The following RABGAP1L variants were observed in gnomAD, a reference collection of about 807,000 sequenced individuals.
RABGAP1L encodes the protein RAB GTPase activating protein 1 like, also known as rab GTPase-activating protein 1-like.
Under a neutral mutation model 137.7 loss-of-function variants are expected in RABGAP1L, and 63 were observed. The observed-to-expected ratio is 0.46, with a 90% confidence interval of 0.37 to 0.56. The LOEUF (loss-of-function observed/expected upper bound fraction) is 0.56, where lower values mean the gene tolerates loss of function less well. RABGAP1L is among the 20% of genes least tolerant of loss of function. RABGAP1L has a pLI of 0.00. For missense variants in RABGAP1L, 1,095 were observed against 1,244.0 expected (o/e 0.88, Z 1.80); for synonymous variants, 431 against 433.7 (o/e 0.99, Z 0.08).
intron 13 of RABGAP1L, among the ~76,000 whole-genome samples, chr1:174,596,967 G>A (rs1327813415): frequency 1.3e-5 from 2 of 152,070 alleles, no homozygotes; most frequent in Non-Finnish European, 2.9e-5. Flanking sequence ...TGTATCAATT[G>A]AAATGATCAT....
At chr1:174,186,634 T>G (rs370019675) in intron 1 of RABGAP1L, among the ~76,000 whole-genome samples, 1 of 152,196 alleles carries the variant, frequency 6.6e-6, no homozygotes, top group Non-Finnish European at 1.5e-5. Flanking sequence ...TTCTCCACAT[T>G]TGACCTGTTA....
chr1:174,302,655 C>T (rs1263345297), intron 10 of RABGAP1L, among the ~76,000 whole-genome samples: 2 of 152,142 alleles, frequency 1.3e-5, no homozygotes, highest in Non-Finnish European at 2.9e-5. Context: ...GTTAGCTGTT[C>T]TCAGAAGTTT....
chr1:174,771,784 A>C (rs1686127700), intron 18 of RABGAP1L, among the ~76,000 whole-genome samples: 1 of 152,262 alleles, frequency 6.6e-6, no homozygotes, highest in Non-Finnish European at 1.5e-5. Flanking sequence ...GTAGCATTTA[A>C]ACAGTTTGTA....
chr1:174,848,887 G>T (rs1430779312), intron 19 of RABGAP1L, among the ~76,000 whole-genome samples: 11 of 151,186 alleles, frequency 7.3e-5, no homozygotes, highest in South Asian at 6.3e-4. Context: ...GAGATTCCGT[G>T]GGCGTAGGAC....
chr1:174,836,233 G>A (rs1199027897), intron 19 of RABGAP1L, among the ~76,000 whole-genome samples: 1 of 151,994 alleles, frequency 6.6e-6, no homozygotes, highest in Non-Finnish European at 1.5e-5. Context: ...AGTAGATTAG[G>A]ATGTTAGGAG....
At chr1:174,274,902 T>TAA (rs1674851767) in intron 8 of RABGAP1L, among the ~76,000 whole-genome samples, 1 of 152,180 alleles carries the variant, frequency 6.6e-6, no homozygotes, top group Non-Finnish European at 1.5e-5. Flanking sequence ...CTCTTTGTTT[T>TAA]AGTCTGACCC....
At chr1:174,742,816 A>C (rs889500373) in intron 17 of RABGAP1L, among the ~76,000 whole-genome samples, 1 of 152,100 alleles carries the variant, frequency 6.6e-6, no homozygotes, top group African/African-American at 2.4e-5. Flanking sequence ...CCAATGGAAC[A>C]TGTGTTTAGG....
At chr1:174,833,402 A>ATG (rs1209603840) in intron 19 of RABGAP1L, among the ~76,000 whole-genome samples, 5 of 45,398 alleles carry the variant, frequency 1.1e-4, no homozygotes, top group Admixed American at 3.0e-4. Context: ...GTGTGTGTGT[A>ATG]TGTGTGTATG....
chr1:174,588,864 G>A (rs12085652), intron 13 of RABGAP1L, among the ~76,000 whole-genome samples: 1 of 151,854 alleles, frequency 6.6e-6, no homozygotes, highest in Non-Finnish European at 1.5e-5. Context: ...TGAACACTTA[G>A]GTTGCCTCCA....
intron 13 of RABGAP1L, among the ~76,000 whole-genome samples, chr1:174,409,221 CAT>C (rs1472436457): frequency 1.3e-5 from 2 of 152,274 alleles, no homozygotes; most frequent in East Asian, 3.9e-4. Context: ...TTAATATGGA[CAT>C]ATGTCAGTTC....
chr1:174,826,120 C>T (rs542693492), intron 19 of RABGAP1L, among the ~76,000 whole-genome samples: 1 of 152,238 alleles, frequency 6.6e-6, no homozygotes, highest in East Asian at 1.9e-4. Flanking sequence ...TGTTTAGCTC[C>T]CACTTATAAG....
intron 14 of RABGAP1L, among the ~76,000 whole-genome samples, chr1:174,651,623 T>G (rs865883804): frequency 6.9e-4 from 105 of 152,276 alleles, no homozygotes; most frequent in African/African-American, 1.9e-3. Flanking sequence ...CTTTGTTGGT[T>G]TAAAGTCTGT....
At chr1:174,207,475 C>T (rs1045955089) in intron 1 of RABGAP1L, among the ~76,000 whole-genome samples, 2 of 152,222 alleles carry the variant, frequency 1.3e-5, no homozygotes, top group African/African-American at 2.4e-5. Flanking sequence ...TTTGAAAGGA[C>T]GTTTTGGAAT....
At chr1:174,594,980 T>TTTG (rs1175086650) in intron 13 of RABGAP1L, among the ~76,000 whole-genome samples, 3 of 1,268 alleles carry the variant, frequency 2.4e-3, no homozygotes, top group African/African-American at 7.2e-3. Context: ...TCCACATCAC[T>TTTG]TTGAGGTACA....
chr1:174,533,149 G>A (rs112848879), intron 13 of RABGAP1L, among the ~76,000 whole-genome samples: 11 of 152,262 alleles, frequency 7.2e-5, no homozygotes, highest in African/African-American at 1.4e-4. Context: ...CAGGAGAATC[G>A]CTTGAACCCG....
At chr1:174,824,854 C>A (rs1691409440) in intron 19 of RABGAP1L, among the ~76,000 whole-genome samples, 1 of 151,942 alleles carries the variant, frequency 6.6e-6, no homozygotes, top group African/African-American at 2.4e-5. Context: ...ATGTAAATGA[C>A]CATAGCAACC....
At chr1:174,678,656 C>A (rs114367376) in intron 14 of RABGAP1L, among the ~76,000 whole-genome samples, 1 of 152,094 alleles carries the variant, frequency 6.6e-6, no homozygotes, top group Non-Finnish European at 1.5e-5. Context: ...AAGATGGTGG[C>A]GGGCTGCTTC....
intron 13 of RABGAP1L, among the ~76,000 whole-genome samples, chr1:174,527,306 C>T (rs990725126): frequency 4.0e-5 from 6 of 150,400 alleles, no homozygotes; most frequent in South Asian, 4.2e-4. Context: ...CTGATTCAAG[C>T]GATTCTTTGC....
At chr1:174,190,499 CT>C (rs1285442352) in intron 1 of RABGAP1L, among the ~76,000 whole-genome samples, 2 of 152,160 alleles carry the variant, frequency 1.3e-5, no homozygotes, top group East Asian at 1.9e-4. Flanking sequence ...TAGTTTCATA[CT>C]TTTCTTCTGC....
Sources: gnomAD v4.1 joint callset for allele counts (sites outside exome capture counted in the v4.1 genomes callset) on GRCh38, gnomAD v4.1.1 for gene constraint, MANE v1.5 for transcripts, NCBI Gene and HGNC (gene_info 2026-07-23, HGNC 2026-07-21) for gene names.